The following KLHL2 variants were observed in gnomAD, a reference collection of about 807,000 sequenced individuals.
KLHL2 encodes the protein kelch-like protein 2.
Under a neutral mutation model 75.8 loss-of-function variants are expected in KLHL2, and 15 were observed. The ratio of observed to expected loss-of-function variants is 0.20; its 90% CI spans 0.13 to 0.30. The LOEUF is 0.30. KLHL2 is among the 10% of genes least tolerant of loss of function. KLHL2 has a pLI of 1.00. For missense variants in KLHL2, 381 were observed against 741.0 expected (o/e 0.51, Z 5.64); for synonymous variants, 214 against 251.9 (o/e 0.85, Z 1.42).
intron 4 of KLHL2, among the ~76,000 whole-genome samples, chr4:165,254,777 A>G (rs1027272775): frequency 5.3e-5 from 8 of 152,248 alleles, no homozygotes; most frequent in Non-Finnish European, 1.2e-4. Context: ...TTTGTATGCT[A>G]TGTTTCTTCT....
chr4:165,235,373 G>A (rs376870610), intron 3 of KLHL2, among the ~76,000 whole-genome samples: 4 of 152,170 alleles, frequency 2.6e-5, no homozygotes, highest in Admixed American at 6.5e-5. Context: ...GCTAATTTTT[G>A]TATTTTTAGT....
chr4:165,303,672 C>T (rs1745515795), intron 8 of KLHL2, among the ~76,000 whole-genome samples: 2 of 152,212 alleles, frequency 1.3e-5, no homozygotes, highest in South Asian at 2.1e-4. Flanking sequence ...AAGAGATTCT[C>T]ATGCCTCAGC....
intron 13 of KLHL2, among the ~76,000 whole-genome samples, chr4:165,316,122 A>G (rs1746571304): frequency 6.6e-6 from 1 of 152,146 alleles, no homozygotes; most frequent in Non-Finnish European, 1.5e-5. Flanking sequence ...TGGTGTTGTG[A>G]GTTAGTGGGT....
intron 5 of KLHL2, among the ~76,000 whole-genome samples, chr4:165,288,677 G>A (rs1744272376): frequency 6.6e-6 from 1 of 152,084 alleles, no homozygotes. Flanking sequence ...GTTAAAAGCA[G>A]TGCTACAGTG....
chr4:165,234,060 C>G (rs777424994), intron 3 of KLHL2, among the ~76,000 whole-genome samples: 7 of 152,204 alleles, frequency 4.6e-5, no homozygotes, highest in Non-Finnish European at 8.8e-5. Flanking sequence ...AGGACTCTGT[C>G]TTTTAGGAGC....
intron 9 of KLHL2, among the ~76,000 whole-genome samples, chr4:165,308,865 G>A (rs1263178512): frequency 6.6e-6 from 1 of 152,108 alleles, no homozygotes; most frequent in Non-Finnish European, 1.5e-5. Flanking sequence ...GTTAAATTCT[G>A]TGCTAGCAGG....
At chr4:165,294,589 G>A in intron 6 of KLHL2, 121 bp downstream of exon 6, 1 of 491,124 alleles carries the variant, frequency 2.0e-6, no homozygotes, top group African/African-American at 2.0e-5. Flanking sequence ...TGTTTCAACT[G>A]GAAGTTAAGA....
intron 5 of KLHL2, chr4:165,279,124 A>G (rs1203245604): frequency 1.2e-6 from 2 of 1,600,214 alleles, no homozygotes; most frequent in Admixed American, 3.3e-5. Flanking sequence ...TAGTCCCAAA[A>G]AGAGCTCGTT....
chr4:165,279,965 C>A (rs1165618244), intron 5 of KLHL2, among the ~76,000 whole-genome samples: 2 of 152,192 alleles, frequency 1.3e-5, no homozygotes, highest in Non-Finnish European at 2.9e-5. Flanking sequence ...CTATCATCTT[C>A]CCCCCACAAA....
intron 7 of KLHL2, among the ~76,000 whole-genome samples, chr4:165,298,307 C>T (rs1745074704): frequency 6.6e-6 from 1 of 152,132 alleles, no homozygotes; most frequent in Admixed American, 6.5e-5. Flanking sequence ...TTCTGATTCC[C>T]CTGCAGACCT....
intron 1 of KLHL2, among the ~76,000 whole-genome samples, chr4:165,208,151 A>C (rs932747137): frequency 6.6e-6 from 1 of 151,836 alleles, no homozygotes; most frequent in African/African-American, 2.4e-5. Context: ...GGGCGGATAG[A>C]AGATTCGGGG....
intron 5 of KLHL2, among the ~76,000 whole-genome samples, chr4:165,291,584 T>C (rs560585507): frequency 8.5e-5 from 13 of 152,326 alleles, no homozygotes; most frequent in African/African-American, 1.2e-4. Context: ...GAAAAGACTC[T>C]TCTTTTTCTA....
chr4:165,241,918 G>A (rs190917961), intron 4 of KLHL2, among the ~76,000 whole-genome samples: 18 of 152,302 alleles, frequency 1.2e-4, no homozygotes, highest in African/African-American at 4.3e-4. Flanking sequence ...TGTTATTATA[G>A]TCCCTTCTGA....
At position 165,207,643 on chromosome 4, in the gene KLHL2, C is replaced by G; in HGVS notation, c.-234C>G. On this transcript the variant is annotated 5_prime_UTR_variant, in exon 1 of 15. Coordinates refer to ENST00000226725, the MANE Select transcript of KLHL2 (RefSeq NM_007246.4). This position sits in a 1 kb window ranked among gnomAD's most constrained non-coding sequence, Gnocchi z 4.2. ...GCGCCCGCCGGTCCCGTCGCCGCCG[C>G]CCCGCACTCGGGCGAGCGCGGGAGC... is the stretch of plus-strand genomic sequence containing the variant. The G allele has an allele frequency of 6.6e-6, 1 of 152,296 alleles. No homozygotes were observed. The highest frequency in any genetic ancestry group is 1.4e-5 in the Non-Finnish European group (1 of 69,496). The allele number at this position is 152,296 out of a possible 1,614,324, so 9.4% of individuals were successfully genotyped here. A position where few individuals can be genotyped will look rare whatever the true frequency, so the allele number is the denominator to read the frequency against.
chr4:165,241,293 A>C (rs1579022069), intron 4 of KLHL2, among the ~76,000 whole-genome samples: 1 of 152,356 alleles, frequency 6.6e-6, no homozygotes. Context: ...AAAAAATAAG[A>C]CTATACCATG....
intron 5 of KLHL2, among the ~76,000 whole-genome samples, chr4:165,284,301 C>A (rs112318955): frequency 0.039 from 5,880 of 152,210 alleles, 290 homozygotes; most frequent in African/African-American, 0.11. Context: ...CTCTGTTTCC[C>A]TTTCGAAACT....
intron 5 of KLHL2, among the ~76,000 whole-genome samples, chr4:165,288,516 T>C (rs1329877905): frequency 6.6e-6 from 1 of 152,228 alleles, no homozygotes; most frequent in Non-Finnish European, 1.5e-5. Flanking sequence ...TTCTCACATC[T>C]GTCGTTCTTC....
At chr4:165,253,349 A>C (rs1319620540) in intron 4 of KLHL2, among the ~76,000 whole-genome samples, 1 of 152,162 alleles carries the variant, frequency 6.6e-6, no homozygotes, top group African/African-American at 2.4e-5. Flanking sequence ...TGTATACTTT[A>C]AATCATCTCT....
chr4:165,210,358 C>T (rs1737124653), intron 1 of KLHL2, among the ~76,000 whole-genome samples: 1 of 152,216 alleles, frequency 6.6e-6, no homozygotes. Flanking sequence ...GGAGGTCAGG[C>T]ATCTGTACCC....
Sources: gnomAD v4.1 joint callset for allele counts (sites outside exome capture counted in the v4.1 genomes callset) on GRCh38, gnomAD v4.1.1 for gene constraint, Gnocchi (gnomAD v3.1) non-coding constraint, MANE v1.5 for transcripts, NCBI Gene and HGNC (gene_info 2026-07-23, HGNC 2026-07-21) for gene names.